The following PTPRM variants were observed in gnomAD, a reference collection of about 807,000 sequenced individuals.
The protein encoded by PTPRM is receptor-type tyrosine-protein phosphatase mu.
Under a neutral mutation model 186.7 loss-of-function variants are expected in PTPRM, and 47 were observed. The ratio of observed to expected loss-of-function variants is 0.25; its 90% CI spans 0.20 to 0.32. The LOEUF (loss-of-function observed/expected upper bound fraction) is 0.32, where lower values mean the gene tolerates loss of function less well. PTPRM is among the 10% of genes least tolerant of loss of function. The pLI, the probability that PTPRM is intolerant of heterozygous loss-of-function variation, is 1.00. For synonymous variants in PTPRM, 668 were observed against 674.9 expected (o/e 0.99, Z 0.16); for missense variants, 1,494 against 1,865.0 (o/e 0.80, Z 3.66).
chr18:8,011,570 A>G (rs1462800767), intron 7 of PTPRM, among the ~76,000 whole-genome samples: 3 of 152,194 alleles, frequency 2.0e-5, no homozygotes, highest in African/African-American at 7.2e-5. Flanking sequence ...AAACTGTTGT[A>G]GCCTAGAGGG....
intron 19 of PTPRM, among the ~76,000 whole-genome samples, chr18:8,289,523 T>TATACATATATAC (rs1555845547): frequency 9.4e-6 from 1 of 105,942 alleles, no homozygotes; most frequent in African/African-American, 4.0e-5. Context: ...TGTATATATA[T>TATACATATATAC]ACATATATAT....
At chr18:8,405,237 C>T (rs1436840502) in intron 32 of PTPRM, 1 of 152,068 alleles carries the variant, frequency 6.6e-6, no homozygotes, top group Non-Finnish European at 1.5e-5. Flanking sequence ...CTATGGGTCC[C>T]AGAGGATCTC....
chr18:8,197,189 G>A (rs1304355262), intron 14 of PTPRM, among the ~76,000 whole-genome samples: 1 of 152,162 alleles, frequency 6.6e-6, no homozygotes, highest in Non-Finnish European at 1.5e-5. Context: ...TGAGCGTTAG[G>A]CCAATGTTCT....
chr18:8,271,931 G>T (rs1452817225), intron 19 of PTPRM, among the ~76,000 whole-genome samples: 1 of 151,996 alleles, frequency 6.6e-6, no homozygotes, highest in East Asian at 1.9e-4. Context: ...ACTTTTGTTG[G>T]CTGAGCGCAG....
chr18:7,602,645 CA>C (rs1266404782), intron 1 of PTPRM, among the ~76,000 whole-genome samples: 2 of 151,004 alleles, frequency 1.3e-5, no homozygotes, highest in East Asian at 3.9e-4. Context: ...AAGACTGTGG[CA>C]ATGCTTTTTT....
intron 1 of PTPRM, among the ~76,000 whole-genome samples, chr18:7,679,175 T>C (rs2039420773): frequency 6.6e-6 from 1 of 152,258 alleles, no homozygotes; most frequent in African/African-American, 2.4e-5. Flanking sequence ...CTCCAAGATA[T>C]GTAGCATTTA....
intron 1 of PTPRM, among the ~76,000 whole-genome samples, chr18:7,695,234 G>T (rs1362320069): frequency 6.6e-6 from 1 of 152,194 alleles, no homozygotes; most frequent in Admixed American, 6.5e-5. Flanking sequence ...AGGAGTCCCA[G>T]GTCGTTTATA....
At chr18:8,288,485 T>A (rs978862619) in intron 19 of PTPRM, among the ~76,000 whole-genome samples, 1 of 152,182 alleles carries the variant, frequency 6.6e-6, no homozygotes, top group Non-Finnish European at 1.5e-5. Flanking sequence ...GTCTGCTTCT[T>A]ACAATTAATG....
intron 1 of PTPRM, among the ~76,000 whole-genome samples, chr18:7,651,078 C>T (rs563665552): frequency 6.1e-4 from 93 of 151,818 alleles, no homozygotes; most frequent in African/African-American, 2.1e-3. Flanking sequence ...ATTACAGGCT[C>T]CTGACATGAC....
At chr18:8,039,101 A>G (rs1039894393) in intron 7 of PTPRM, among the ~76,000 whole-genome samples, 9 of 152,228 alleles carry the variant, frequency 5.9e-5, no homozygotes, top group African/African-American at 1.9e-4. Context: ...GCATTATTAG[A>G]ATATACCAGA....
At chr18:8,048,776 T>G (rs680016) in intron 7 of PTPRM, among the ~76,000 whole-genome samples, 87,679 of 151,928 alleles carry the variant, frequency 0.58, 25,820 homozygotes, top group Non-Finnish European at 0.65. Flanking sequence ...TAAAAATATT[T>G]TAAGTAACAC....
At position 8,276,683 on chromosome 18, in the gene PTPRM, A is replaced by G. The variant is rs1001937591; in HGVS notation, c.2755-19685A>G. ...CTGTGTCACCACGCTCATGAGAGGT[A>G]CTGCAATCTGAACCACAGGACAGCT... is the stretch of plus-strand genomic sequence containing the variant. On this transcript the variant is annotated intron_variant, in intron 19 of 32. Coordinates refer to ENST00000580170, the MANE Select transcript of PTPRM (RefSeq NM_001105244.2). Among the ~76,000 whole-genome samples the G allele has an allele frequency of 2.6e-5, 4 of 152,190 alleles. No homozygotes were observed. The East Asian group carries it at 5.8e-4, about 22-fold the overall frequency.
intron 2 of PTPRM, among the ~76,000 whole-genome samples, chr18:7,806,531 A>T (rs1469755945): frequency 3.9e-5 from 6 of 152,134 alleles, no homozygotes; most frequent in African/African-American, 1.2e-4. Context: ...GCAATGAAAA[A>T]TTTTAAAAAA....
intron 28 of PTPRM, among the ~76,000 whole-genome samples, chr18:8,379,912 T>C (rs1338055931): frequency 6.6e-6 from 1 of 152,242 alleles, no homozygotes; most frequent in Admixed American, 6.5e-5. Context: ...ATAAGAACAC[T>C]GTCACACATA....
intron 23 of PTPRM, among the ~76,000 whole-genome samples, chr18:8,352,251 C>T (rs980690713): frequency 2.2e-4 from 34 of 152,128 alleles, no homozygotes; most frequent in Admixed American, 9.2e-4. Context: ...TCTCGGAGCA[C>T]GTGGTAAAGA....
At chr18:7,849,636 G>A (rs1004623584) in intron 2 of PTPRM, among the ~76,000 whole-genome samples, 24 of 152,194 alleles carry the variant, frequency 1.6e-4, no homozygotes, top group Admixed American at 6.5e-5. Context: ...TTTCTTTGCA[G>A]CTATGATATG....
At chr18:7,809,215 G>T (rs1322642055) in intron 2 of PTPRM, among the ~76,000 whole-genome samples, 1 of 152,058 alleles carries the variant, frequency 6.6e-6, no homozygotes, top group South Asian at 2.1e-4. Flanking sequence ...GGTAGGAGGC[G>T]GCAGGCAAGA....
intron 13 of PTPRM, among the ~76,000 whole-genome samples, chr18:8,130,878 C>T (rs2092487116): frequency 6.6e-6 from 1 of 152,194 alleles, no homozygotes; most frequent in South Asian, 2.1e-4. Context: ...TCTCAGCTTC[C>T]ATATCTGTAA....
At chr18:7,703,957 A>G (rs1438082598) in intron 1 of PTPRM, among the ~76,000 whole-genome samples, 1 of 152,020 alleles carries the variant, frequency 6.6e-6, no homozygotes, top group Non-Finnish European at 1.5e-5. Context: ...TTGGCTCTGT[A>G]TATGTGATGG....
Sources: allele counts gnomAD v4.1 joint callset (sites outside exome capture counted in the v4.1 genomes callset), GRCh38; gene constraint gnomAD v4.1.1; transcripts MANE v1.5; gene names NCBI Gene and HGNC (gene_info 2026-07-23, HGNC 2026-07-21).